The following ZFAND3 variants were observed in gnomAD, a reference collection of about 807,000 sequenced individuals.
The protein encoded by ZFAND3 is zinc finger AN1-type containing 3, also known as AN1-type zinc finger protein 3.
Under a neutral mutation model 29.6 loss-of-function variants are expected in ZFAND3, and 10 were observed. The observed-to-expected ratio is 0.34, with a 90% CI of 0.21 to 0.57. The LOEUF is 0.57. Ranked by LOEUF, ZFAND3 falls within the 20% of genes least tolerant of loss-of-function variation. The pLI is 0.86. For missense variants in ZFAND3, 230 were observed against 304.5 expected (o/e 0.76, Z 1.82); for synonymous variants, 128 against 112.6 (o/e 1.14, Z -0.87).
chr6:38,070,041 C>A (rs888909107), intron 3 of ZFAND3, among the ~76,000 whole-genome samples: 6 of 152,120 alleles, frequency 3.9e-5, no homozygotes, highest in Admixed American at 3.9e-4. Context: ...CAATCACCAC[C>A]ACCCAATTCC....
At chr6:37,909,168 G>A (rs1765472435) in intron 1 of ZFAND3, among the ~76,000 whole-genome samples, 1 of 151,966 alleles carries the variant, frequency 6.6e-6, no homozygotes, top group South Asian at 2.1e-4. Context: ...TAACTCGATT[G>A]CACTTTAGCA....
chr6:37,942,265 A>G (rs1279801369), intron 2 of ZFAND3, among the ~76,000 whole-genome samples: 1 of 143,772 alleles, frequency 7.0e-6, no homozygotes, highest in Non-Finnish European at 1.6e-5. Flanking sequence ...AAGATCATAT[A>G]TATATATTTT....
Position 37,951,103 on chromosome 6 carries a change from C to T in ZFAND3, c.112+21104C>T, listed in dbSNP as rs1317536291. ...TTCACCTCCCTGGTTAGCTGTATTC[C>T]TAGGTGTTTTATTTTTATTTTTTTG... On this transcript the variant is annotated intron_variant, in intron 2 of 5. Coordinates refer to ENST00000287218, the MANE Select transcript of ZFAND3 (RefSeq NM_021943.3). Among the ~76,000 whole-genome samples, 6 of 152,008 alleles carry T rather than the reference C, an allele frequency of 3.9e-5. No individual in the cohort carries two copies. In the East Asian group the frequency reaches 7.7e-4, roughly 20 times the overall value.
intron 1 of ZFAND3, among the ~76,000 whole-genome samples, chr6:37,852,566 T>A (rs75083804): frequency 0.064 from 9,700 of 152,246 alleles, 429 homozygotes; most frequent in Non-Finnish European, 0.093. Context: ...GCCTTCTTAT[T>A]TCTTCTCTTT....
In ZFAND3 at chr6:38,134,925, T is replaced by C. The variant is rs149592478; in HGVS notation, c.530-17310T>C. On this transcript the variant is annotated intron_variant, in intron 5 of 5. Coordinates refer to ENST00000287218, the MANE Select transcript of ZFAND3 (RefSeq NM_021943.3). ...TGCATTTGGAGAGCATTGCCATCTTTTGGAAGGGAGACATGGAGAAGACTG... is the reference window on the plus strand; with the variant it reads ...TGCATTTGGAGAGCATTGCCATCTTCTGGAAGGGAGACATGGAGAAGACTG... 1.5e-3 allele frequency among the ~76,000 whole-genome samples: 224 copies of C among 152,318 alleles called. 5 individuals carry two copies. The highest frequency in any genetic ancestry group is 0.012 in the Admixed American group (178 of 15,298).
At chr6:38,123,543 T>C (rs1453710623) in intron 5 of ZFAND3, among the ~76,000 whole-genome samples, 1 of 152,220 alleles carries the variant, frequency 6.6e-6, no homozygotes, top group African/African-American at 2.4e-5. Flanking sequence ...AGATCTTTTA[T>C]TATGACCAAA....
chr6:38,033,800 T>C (rs1227959626), intron 2 of ZFAND3, among the ~76,000 whole-genome samples: 1 of 152,148 alleles, frequency 6.6e-6, no homozygotes, highest in African/African-American at 2.4e-5. Flanking sequence ...CAGGGATAGC[T>C]CAGTCAGTCA....
intron 2 of ZFAND3, among the ~76,000 whole-genome samples, chr6:37,976,109 G>A (rs569501513): frequency 6.6e-6 from 1 of 152,204 alleles, no homozygotes; most frequent in African/African-American, 2.4e-5. Flanking sequence ...TTATCTCTAA[G>A]AAGTTAATAT....
chr6:37,875,634 A>ATT (rs71542144), intron 1 of ZFAND3, among the ~76,000 whole-genome samples: 6 of 143,768 alleles, frequency 4.2e-5, no homozygotes, highest in African/African-American at 1.5e-4. Context: ...TAATTTCTGT[A>ATT]TTTTTTTTTT....
At chr6:37,857,591 A>G (rs1764408305) in intron 1 of ZFAND3, among the ~76,000 whole-genome samples, 1 of 152,218 alleles carries the variant, frequency 6.6e-6, no homozygotes, top group Admixed American at 6.5e-5. Flanking sequence ...CAAACTAAAC[A>G]TATGGAGGGT....
intron 1 of ZFAND3, among the ~76,000 whole-genome samples, chr6:37,920,092 G>A (rs115787474): frequency 3.0e-3 from 267 of 90,012 alleles, no homozygotes; most frequent in African/African-American, 0.011. Context: ...TTAGTATTTA[G>A]TATAAAATAA....
chr6:38,130,346 A>G (rs529900804), intron 5 of ZFAND3, among the ~76,000 whole-genome samples: 18 of 152,260 alleles, frequency 1.2e-4, no homozygotes, highest in South Asian at 2.1e-4. Context: ...TTCCAGTACT[A>G]TGTTGAAGAG....
intron 1 of ZFAND3, among the ~76,000 whole-genome samples, chr6:37,913,640 G>A (rs978098203): frequency 2.0e-5 from 3 of 151,278 alleles, no homozygotes; most frequent in African/African-American, 4.9e-5. Flanking sequence ...AGGGCAACTA[G>A]AATGGTCAGT....
At chr6:37,871,721 AC>A (rs1399073141) in intron 1 of ZFAND3, among the ~76,000 whole-genome samples, 2 of 152,158 alleles carry the variant, frequency 1.3e-5, no homozygotes, top group Non-Finnish European at 2.9e-5. Context: ...TGCATAGATC[AC>A]CTTTTCTCTT....
chr6:38,091,455 C>T (rs1375551918), intron 4 of ZFAND3, among the ~76,000 whole-genome samples: 3 of 150,130 alleles, frequency 2.0e-5, no homozygotes, highest in African/African-American at 4.9e-5. Context: ...TTCCCCTCTC[C>T]TCCTTTGAAA....
At chr6:37,878,483 C>CT (rs1459598251) in intron 1 of ZFAND3, among the ~76,000 whole-genome samples, 8 of 152,130 alleles carry the variant, frequency 5.3e-5, no homozygotes, top group Non-Finnish European at 1.0e-4. Context: ...TGAGGCAGGG[C>CT]TTGATGTAGC....
chr6:37,842,370 A>G (rs1192714207), intron 1 of ZFAND3, among the ~76,000 whole-genome samples: 2 of 151,930 alleles, frequency 1.3e-5, no homozygotes, highest in African/African-American at 2.4e-5. Context: ...TTTCCCCATC[A>G]TAGATTAGTT....
intron 4 of ZFAND3, among the ~76,000 whole-genome samples, chr6:38,110,854 G>A (rs1408490853): frequency 6.6e-6 from 1 of 152,202 alleles, no homozygotes; most frequent in Non-Finnish European, 1.5e-5. Flanking sequence ...CTGTCTGCCT[G>A]AGATGTCAGG....
At chr6:37,979,077 TTTCC>T (rs770321040) in intron 2 of ZFAND3, among the ~76,000 whole-genome samples, 2 of 152,156 alleles carry the variant, frequency 1.3e-5, no homozygotes, top group Non-Finnish European at 2.9e-5. Flanking sequence ...TTAATCTTTA[TTTCC>T]TTCCTTCTAC....
Sources: gnomAD v4.1 joint callset for allele counts (sites outside exome capture counted in the v4.1 genomes callset) on GRCh38, gnomAD v4.1.1 for gene constraint, MANE v1.5 for transcripts, NCBI Gene and HGNC (gene_info 2026-07-23, HGNC 2026-07-21) for gene names.